TXNDC5: variants seen among roughly 807,000 people sequenced by gnomAD.
The protein encoded by TXNDC5 is thioredoxin domain containing 5, also known as thioredoxin domain-containing protein 5.
A neutral mutation model predicts 52.6 loss-of-function variants in TXNDC5; 44 were observed. The observed-to-expected ratio is 0.84, with a 90% CI of 0.66 to 1.08. The LOEUF (loss-of-function observed/expected upper bound fraction) is 1.08, where lower values mean the gene tolerates loss of function less well. Among genes scored for constraint, TXNDC5 ranks in the 50% least tolerant of loss-of-function variants. TXNDC5 has a pLI of 0.00. For missense variants in TXNDC5, 600 were observed against 565.5 expected (o/e 1.06, Z -0.62); for synonymous variants, 241 against 234.4 (o/e 1.03, Z -0.26).
chr6:7,895,043 A>T, intron 4 of TXNDC5, 63 bp downstream of exon 4: 1 of 1,559,678 alleles, frequency 6.4e-7, no homozygotes. Flanking sequence ...CAGGAAGGAA[A>T]AGCCCAGCAC....
Position 7,883,278 on chromosome 6 carries a change from A to G in TXNDC5, c.1177-12T>C, listed in dbSNP as rs750403665. ...GGGTAGCCTCGTACCTTAAAACAAA[A>G]AAGAAAAAAGTTTGCAAACCAGCGG... is the stretch of plus-strand genomic sequence containing the variant. On this transcript the variant is annotated splice_polypyrimidine_tract_variant and intron_variant, in intron 9 of 9. Coordinates refer to ENST00000379757, the MANE Select transcript of TXNDC5 (RefSeq NM_030810.5). 1.2e-6 allele frequency: 2 copies of G among 1,613,694 alleles called. No individual in the cohort carries two copies. The highest frequency in any genetic ancestry group is 1.7e-5 in the Admixed American group (1 of 59,804).
chr6:7,900,604 G>C (rs1259785040), intron 2 of TXNDC5, among the ~76,000 whole-genome samples: 1 of 152,220 alleles, frequency 6.6e-6, no homozygotes, highest in Non-Finnish European at 1.5e-5. Context: ...ATGAAGGTTT[G>C]AATAGTGTCT....
intron 3 of TXNDC5, among the ~76,000 whole-genome samples, chr6:7,898,746 A>G (rs1268702367): frequency 6.7e-6 from 1 of 150,036 alleles, no homozygotes; most frequent in East Asian, 2.0e-4. Context: ...CCACCCACAA[A>G]GGAACACTTA....
chr6:7,906,906 C>T (rs632177), intron 1 of TXNDC5, among the ~76,000 whole-genome samples: 49,593 of 152,058 alleles, frequency 0.33, 8,648 homozygotes, highest in East Asian at 0.65. Flanking sequence ...TGTGACCCTG[C>T]TGTCTAAAGG....
Position 7,910,681 on chromosome 6 carries a change from C to T in TXNDC5, c.96G>A (p.Gly32=), listed in dbSNP as rs751084375. 3.6e-4 allele frequency: 405 copies of T among 1,116,714 alleles called. 8 individuals are homozygous for T. The East Asian group carries it at 0.016, about 45-fold the overall frequency. The allele number at this position is 1,116,714 out of a possible 1,614,324, so 69.2% of individuals were successfully genotyped here. A position where few individuals can be genotyped will look rare whatever the true frequency, so the allele number is the denominator to read the frequency against. ...CCTCCTGGGCCCGGGCGCCCCAGCGCCCGCCGCCGCCATGGCCCAGCAGCA... is the reference window on the plus strand; with the variant it reads ...CCTCCTGGGCCCGGGCGCCCCAGCGTCCGCCGCCGCCATGGCCCAGCAGCA... ...LLLLLGHGGG[G]RWGARAQEAA... is the part of the protein sequence containing the mutation. Residue 32 remains glycine, a synonymous_variant, in exon 1 of 10, where the codon GGG becomes GGA. Transcript: ENST00000379757.
intron 1 of TXNDC5, among the ~76,000 whole-genome samples, chr6:7,907,608 T>C (rs1369656769): frequency 6.6e-6 from 1 of 152,174 alleles, no homozygotes; most frequent in African/African-American, 2.4e-5. Flanking sequence ...CTTTCACCAC[T>C]CCACGGCAGC....
At chr6:7,904,854 G>A in intron 1 of TXNDC5, 131 bp from the exon 2 acceptor site, 1 of 1,004,050 alleles carries the variant, frequency 1.0e-6, no homozygotes, top group Non-Finnish European at 1.5e-6. Context: ...GGCAGCTCCT[G>A]GACCAGTACT....
chr6:7,904,669 G>T lies in TXNDC5; in HGVS notation c.318C>A (p.Tyr106Ter), dbSNP rs767579280. Residue 106 changes from tyrosine to a stop codon, truncating the protein, a stop_gained, in exon 2 of 10, where the codon TAC (tyrosine) becomes TAA (stop). Coordinates refer to ENST00000379757, the MANE Select transcript of TXNDC5 (RefSeq NM_030810.5). LOFTEE classifies it high-confidence loss of function. ...QPTWNDLGDKYNSMEDAKVYV... is the reference protein window; with the variant it reads ...QPTWNDLGDK ...AGACTTTGGCATCTTCCATGCTGTT[G>T]TATTTGTCTCCCAGGTCATTCCAAG... 1.9e-6 allele frequency: 3 copies of T among 1,614,098 alleles called. No homozygotes were observed. Among genetic ancestry groups the T allele is most frequent in the East Asian group, 2.2e-5 (1 of 44,888 alleles).
At chr6:7,908,315 A>G (rs956798314) in intron 1 of TXNDC5, among the ~76,000 whole-genome samples, 10 of 151,618 alleles carry the variant, frequency 6.6e-5, no homozygotes, top group Non-Finnish European at 1.0e-4. Flanking sequence ...GTAACAACAT[A>G]AAGCTAATTA....
intron 1 of TXNDC5, among the ~76,000 whole-genome samples, chr6:7,908,630 CCGG>C (rs1379780311): frequency 1.3e-5 from 2 of 151,958 alleles, no homozygotes; most frequent in African/African-American, 4.8e-5. Flanking sequence ...GAGACCAGCC[CCGG>C]CAACATAGCG....
intron 2 of TXNDC5, among the ~76,000 whole-genome samples, chr6:7,902,517 G>A (rs1355317382): frequency 6.6e-6 from 1 of 152,232 alleles, no homozygotes; most frequent in Non-Finnish European, 1.5e-5. Context: ...AGGTACAGTC[G>A]TCACCTGCCT....
chr6:7,895,252 G>A (rs2113344808), intron 3 of TXNDC5, 50 bp from the exon 4 acceptor site: 1 of 1,533,964 alleles, frequency 6.5e-7, no homozygotes, highest in East Asian at 2.4e-5. Flanking sequence ...GAGACACAGG[G>A]AAACCATCCA....
At chr6:7,902,790 G>A (rs1424967111) in intron 2 of TXNDC5, among the ~76,000 whole-genome samples, 1 of 151,958 alleles carries the variant, frequency 6.6e-6, no homozygotes, top group African/African-American at 2.4e-5. Flanking sequence ...GTTTACTTGG[G>A]GAGACCAGCT....
chr6:7,885,691 C>CATTT (rs1759944739), intron 8 of TXNDC5, among the ~76,000 whole-genome samples: 1 of 152,154 alleles, frequency 6.6e-6, no homozygotes, highest in Admixed American at 6.5e-5. Flanking sequence ...ATGTTTTCTC[C>CATTT]AAAGTTGATA....
At chr6:7,891,787 T>C (rs1294585889) in intron 4 of TXNDC5, 51 bp from the exon 5 acceptor site, 3 of 1,314,424 alleles carry the variant, frequency 2.3e-6, no homozygotes, top group Non-Finnish European at 3.3e-6. Context: ...CTGTAATTTA[T>C]GTCAGACCTC....
intron 2 of TXNDC5, 198 bp from the exon 3 acceptor site, chr6:7,899,879 T>C: frequency 2.3e-6 from 1 of 440,558 alleles, no homozygotes; most frequent in Non-Finnish European, 4.0e-6. Flanking sequence ...CTTTCAGAAG[T>C]TTCTGGTTTT....
intron 2 of TXNDC5, among the ~76,000 whole-genome samples, chr6:7,901,304 G>A (rs1021733025): frequency 1.1e-4 from 16 of 152,266 alleles, no homozygotes; most frequent in African/African-American, 1.7e-4. Flanking sequence ...CCTGGAAACA[G>A]AAACTGCTTC....
At chr6:7,902,392 C>G (rs912284180) in intron 2 of TXNDC5, among the ~76,000 whole-genome samples, 1 of 151,786 alleles carries the variant, frequency 6.6e-6, no homozygotes, top group Non-Finnish European at 1.5e-5. Context: ...AGCCAGCCAT[C>G]TCTAGGGAGC....
In TXNDC5 at chr6:7,883,099, C is replaced by G. The variant is rs374749063; in HGVS notation, c.*45G>C. 67 of 1,612,536 alleles carry G rather than the reference C, an allele frequency of 4.2e-5. No homozygotes were observed. Among genetic ancestry groups the G allele is most frequent in the Non-Finnish European group, 5.7e-5 (67 of 1,179,246 alleles). On this transcript the variant is annotated 3_prime_UTR_variant, in exon 10 of 10. Transcript: ENST00000379757. ...CTCTGTGGGACTGAACTCCTAAACG[C>G]AGGGTGCGGGAGCTGGGCAGGAGAG...
Sources: allele counts gnomAD v4.1 joint callset (sites outside exome capture counted in the v4.1 genomes callset), GRCh38; gene constraint gnomAD v4.1.1; transcripts MANE v1.5; gene names NCBI Gene and HGNC (gene_info 2026-07-23, HGNC 2026-07-21).